The following SP100 variants were observed in gnomAD, a reference collection of about 807,000 sequenced individuals.
The protein encoded by SP100 is nuclear autoantigen Sp-100.
SP100 carries 84 observed loss-of-function variants against 130.0 expected under a neutral mutation model. The observed-to-expected ratio is 0.65, with a 90% CI of 0.54 to 0.77. The LOEUF (loss-of-function observed/expected upper bound fraction) is 0.77, where lower values mean the gene tolerates loss of function less well. SP100 is among the 30% of genes least tolerant of loss of function. The pLI, the probability that SP100 is intolerant of heterozygous loss-of-function variation, is 0.00. For synonymous variants in SP100, 331 were observed against 351.7 expected, an observed-to-expected ratio of 0.94 and a Z score of 0.66; for missense variants, 978 against 1,052.2, an observed-to-expected ratio of 0.93 and a Z score of 0.97.
intron 4 of SP100, among the ~76,000 whole-genome samples, chr2:230,445,163 G>A (rs2063652413): frequency 6.6e-6 from 1 of 152,118 alleles, no homozygotes; most frequent in Non-Finnish European, 1.5e-5. Context: ...CCTTTTTCCT[G>A]AGAATGCATA....
At chr2:230,522,981 A>AT (rs1691248402) in intron 24 of SP100, among the ~76,000 whole-genome samples, 1 of 151,644 alleles carries the variant, frequency 6.6e-6, no homozygotes. Context: ...TGCCCGGCTA[A>AT]TTTTTGTATT....
intron 11 of SP100, 97 bp from the exon 12 acceptor site, chr2:230,466,202 AAC>A: frequency 3.4e-6 from 2 of 585,662 alleles, no homozygotes; most frequent in Non-Finnish European, 6.0e-6. Flanking sequence ...AAAAAAAAAA[AAC>A]TTTGTTATTA....
chr2:230,523,304 C>T (rs1000025383), intron 24 of SP100, among the ~76,000 whole-genome samples: 8 of 152,258 alleles, frequency 5.3e-5, no homozygotes, highest in African/African-American at 1.7e-4. Context: ...TGTGTATACA[C>T]GTTTAGATGT....
chr2:230,508,144 A>G, intron 23 of SP100, 113 bp downstream of exon 23: 4 of 1,516,766 alleles, frequency 2.6e-6, no homozygotes, highest in Non-Finnish European at 3.5e-6. Flanking sequence ...TGATTTTATA[A>G]TATGATGCTT....
chr2:230,498,288 A>T (rs368718617), intron 18 of SP100, among the ~76,000 whole-genome samples, 173 bp from the exon 19 acceptor site: 1 of 152,202 alleles, frequency 6.6e-6, no homozygotes, highest in Non-Finnish European at 1.5e-5. Context: ...AAAATCTAGG[A>T]TGAACCCAGG....
intron 17 of SP100, among the ~76,000 whole-genome samples, chr2:230,483,959 T>C (rs1306739519): frequency 6.6e-6 from 1 of 152,238 alleles, no homozygotes; most frequent in Non-Finnish European, 1.5e-5. Context: ...ATCACATTGA[T>C]TTATTACTAT....
chr2:230,416,734 A>T, intron 1 of SP100: 1 of 990,504 alleles, frequency 1.0e-6, no homozygotes, highest in Non-Finnish European at 1.2e-6. Context: ...CAGGGTAAAC[A>T]CCTGGCTTAC....
chr2:230,450,541 A>G (rs969443017), intron 8 of SP100, among the ~76,000 whole-genome samples: 1 of 152,150 alleles, frequency 6.6e-6, no homozygotes, highest in African/African-American at 2.4e-5. Flanking sequence ...ATTATTAACT[A>G]TATTAATCGT....
chr2:230,432,023 A>G (rs927933236), intron 2 of SP100, among the ~76,000 whole-genome samples: 3 of 152,202 alleles, frequency 2.0e-5, no homozygotes, highest in Non-Finnish European at 4.4e-5. Flanking sequence ...AAGCTTCTTC[A>G]TGACTATTTG....
chr2:230,507,772 A>G (rs1056582868), intron 22 of SP100, among the ~76,000 whole-genome samples: 1 of 152,200 alleles, frequency 6.6e-6, no homozygotes, highest in African/African-American at 2.4e-5. Context: ...AGGTGGCTAC[A>G]TTCTCTGGAC....
chr2:230,536,547 A>G (rs1350073547), intron 24 of SP100, among the ~76,000 whole-genome samples: 1 of 152,186 alleles, frequency 6.6e-6, no homozygotes, highest in African/African-American at 2.4e-5. Flanking sequence ...TATTTGGACA[A>G]TGAGATGCCA....
At chr2:230,513,280 C>T (rs1559989) in intron 24 of SP100, among the ~76,000 whole-genome samples, 4,066 of 152,144 alleles carry the variant, frequency 0.027, 184 homozygotes, top group African/African-American at 0.093. Flanking sequence ...TCAAATGTAT[C>T]CATGCAAGAC....
Position 230,436,933 on chromosome 2 carries a change from TAC to T in SP100, c.108-5997_108-5996del, listed in dbSNP as rs1178120966. ...ATATATGTGTATACACACAAGTGTATACACACACGCATATATGTGTATACACA... is the reference window on the plus strand; with the variant it reads ...ATATATGTGTATACACACAAGTGTATACACACGCATATATGTGTATACACA... On this transcript the variant is annotated intron_variant, in intron 2 of 28. Coordinates refer to ENST00000340126, the MANE Select transcript of SP100 (RefSeq NM_001080391.2). Among the ~76,000 whole-genome samples the T allele has an allele frequency of 2.3e-3, 271 of 116,720 alleles. 2 individuals are homozygous for T. The highest frequency in any genetic ancestry group is 8.4e-3 in the African/African-American group (248 of 29,564). The allele number at this position is 116,720 out of a possible 152,430, so 76.6% of individuals were successfully genotyped here. A position where few individuals can be genotyped will look rare whatever the true frequency, so the allele number is the denominator to read the frequency against.
chr2:230,464,016 A>T (rs779110312), intron 10 of SP100, 51 bp from the exon 11 acceptor site: 1 of 1,251,124 alleles, frequency 8.0e-7, no homozygotes. Flanking sequence ...TACTGAACTG[A>T]TTCCTTGGTC....
chr2:230,519,779 A>C (rs1161820509), intron 24 of SP100, among the ~76,000 whole-genome samples: 1 of 152,184 alleles, frequency 6.6e-6, no homozygotes, highest in Non-Finnish European at 1.5e-5. Context: ...TGGTTCTAAA[A>C]CCAGCTTTTT....
chr2:230,425,231 A>G (rs1178652413), intron 2 of SP100, among the ~76,000 whole-genome samples: 1 of 152,220 alleles, frequency 6.6e-6, no homozygotes, highest in Admixed American at 6.5e-5. Context: ...TCCATACTAC[A>G]CATTAAATAC....
In SP100 at chr2:230,543,006, C is replaced by A; in HGVS notation, c.*60C>A. 1 of 919,312 alleles carries A rather than the reference C, an allele frequency of 1.1e-6. No individual in the cohort carries two copies. The highest frequency in any genetic ancestry group is 1.8e-6 in the Non-Finnish European group (1 of 567,664). The allele number at this position is 919,312 out of a possible 1,614,324, so 56.9% of individuals were successfully genotyped here. A position where few individuals can be genotyped will look rare whatever the true frequency, so the allele number is the denominator to read the frequency against. ...GCTAGCTACGCAATGTGCCTGTGGT[C>A]CCACTAATCTGTGACTGCTCCTGTG... is the stretch of plus-strand genomic sequence containing the variant. On this transcript the variant is annotated 3_prime_UTR_variant, in exon 29 of 29. Transcript: ENST00000340126.
chr2:230,486,050 C>T (rs2066069214), intron 17 of SP100, among the ~76,000 whole-genome samples: 1 of 128,152 alleles, frequency 7.8e-6, no homozygotes. Context: ...AAAGATCTAC[C>T]TGAGACTGGG....
At chr2:230,443,472 G>A (rs1041230204) in intron 3 of SP100, among the ~76,000 whole-genome samples, 12 of 152,176 alleles carry the variant, frequency 7.9e-5, no homozygotes, top group African/African-American at 2.9e-4. Flanking sequence ...TGATTTACTT[G>A]AAATAGCAGT....
Sources: gnomAD v4.1 joint callset for allele counts (sites outside exome capture counted in the v4.1 genomes callset) on GRCh38, gnomAD v4.1.1 for gene constraint, MANE v1.5 for transcripts, NCBI Gene and HGNC (gene_info 2026-07-23, HGNC 2026-07-21) for gene names.